The following PRX variants were observed in gnomAD, a reference collection of about 807,000 sequenced individuals.
The protein encoded by PRX is periaxin.
In PRX, 24 loss-of-function variants were observed where a neutral mutation model predicts 29.6. The observed-to-expected ratio is 0.81, with a 90% confidence interval of 0.59 to 1.14. PRX has a LOEUF of 1.14. Ranked by LOEUF, PRX falls within the 50% of genes most tolerant of loss-of-function variation. The pLI is 0.00. For synonymous variants in PRX, 772 were observed against 831.7 expected (o/e 0.93, Z 1.24); for missense variants, 1,838 against 1,926.4 (o/e 0.95, Z 0.86).
rs1295252797 is a variant in PRX at position 40,395,815 on chromosome 19, T to A, written c.2537A>T (p.His846Leu). The change falls in exon 7 of 7, where the codon CAT becomes CTT. Residue 846 changes from histidine to leucine, a missense_variant. Physicochemically the swap from His to Leu is moderately conservative, Grantham distance 99. This residue lies in a region of PRX where 1,143 missense variants were observed against 1,193.0 expected (regional missense o/e 0.96). Coordinates refer to ENST00000324001, the MANE Select transcript of PRX (RefSeq NM_181882.3). ...CLQPEVDGEA[H>L]VGVPSLTLPS... ...CAGAGTGAGAGAGGGGACACCCACA[T>A]GAGCCTCACCATCCACCTCTGGCTG... The A allele has an allele frequency of 6.2e-7, 1 of 1,614,170 alleles. No homozygotes were observed. The highest frequency in any genetic ancestry group is 1.3e-5 in the African/African-American group (1 of 75,056).
At chr19:40,402,647 T>A (rs2079503552) in intron 5 of PRX, among the ~76,000 whole-genome samples, 1 of 150,932 alleles carries the variant, frequency 6.6e-6, no homozygotes, top group Non-Finnish European at 1.5e-5. Flanking sequence ...TGTGGGCGCC[T>A]GTAGTCCCTC....
rs759440986 is a variant in PRX, at chr19:40,397,208, G to C, written c.1144C>G (p.Pro382Ala). The change falls in exon 7 of 7, where the codon CCT (proline) becomes GCT (alanine). Residue 382 changes from proline (P) to alanine (A), a missense_variant. Physicochemically the swap from Pro to Ala is conservative, Grantham distance 27. This residue lies in a region of PRX where 666 missense variants were observed against 665.0 expected (regional missense o/e 1.00). Coordinates refer to ENST00000324001, the MANE Select transcript of PRX (RefSeq NM_181882.3). ...CTGGGACCTTTCACCCTGGCCTCAGGGCTGACCTTGGCTACCTTGGCCTCA... is the reference window on the plus strand; with the variant it reads ...CTGGGACCTTTCACCCTGGCCTCAGCGCTGACCTTGGCTACCTTGGCCTCA... The part of the protein sequence containing the change: ...VAEAKVAKVS[P>A]EARVKGPRLR... The C allele has an allele frequency of 3.5e-5, 57 of 1,613,888 alleles. No homozygotes were observed. Among genetic ancestry groups the C allele is most frequent in the Non-Finnish European group, 4.7e-5 (56 of 1,180,036 alleles).
chr19:40,397,510 G>A lies in PRX; in HGVS notation c.842C>T (p.Pro281Leu). 1 of 1,549,256 alleles carries A rather than the reference G, an allele frequency of 6.5e-7. No individual in the cohort carries two copies. The highest frequency in any genetic ancestry group is 8.7e-7 in the Non-Finnish European group (1 of 1,148,934). The change falls in exon 7 of 7, where the codon CCT (proline) becomes CTT (leucine). Residue 281 changes from proline to leucine, a missense_variant. Around this residue, in one of 3 missense-constraint regions of PRX, gnomAD observed 666 missense variants for 665.0 expected, o/e 1.00. Transcript: ENST00000324001. Reference sequence around the variant, plus strand: ...TCCCACGGCTGGGGCCTCCACAGCAGGCGGAGCCGGGGCTCCGAGCCCAAG... The same window carrying A: ...TCCCACGGCTGGGGCCTCCACAGCAAGCGGAGCCGGGGCTCCGAGCCCAAG... The part of the protein sequence containing the change: ...PTLGLGAPAP[P>L]AVEAPAVGIQ...
chr19:40,399,089 T>A (rs2079470249), intron 5 of PRX, among the ~76,000 whole-genome samples: 1 of 152,060 alleles, frequency 6.6e-6, no homozygotes, highest in South Asian at 2.1e-4. Context: ...TGACTTTGCT[T>A]CTTTTACCGA....
Position 40,394,017 on chromosome 19 carries a change from T to G in PRX, c.4335A>C (p.Thr1445=), listed in dbSNP as rs757627373. ...VRLPSVGFSE[T]GAPGPARMEG... Reference sequence around the variant, plus strand: ...CCATCCTGGCCGGGCCTGGAGCCCCTGTCTCTGAAAACCCCACGCTGGGCA... The same window carrying G: ...CCATCCTGGCCGGGCCTGGAGCCCCGGTCTCTGAAAACCCCACGCTGGGCA... The change falls in exon 7 of 7, where the codon ACA becomes ACC. Residue 1445 remains threonine (T), a synonymous_variant. Coordinates refer to ENST00000324001, the MANE Select transcript of PRX (RefSeq NM_181882.3). This position sits in a 1 kb window ranked among gnomAD's most constrained non-coding sequence, Gnocchi z 5.8. 3 of 1,613,454 alleles carry G rather than the reference T, an allele frequency of 1.9e-6. No individual in the cohort carries two copies. The highest frequency in any genetic ancestry group is 2.7e-5 in the African/African-American group (2 of 74,916).
chr19:40,408,018 A>T lies in PRX; in HGVS notation c.-86T>A. 1 of 1,579,124 alleles carries T rather than the reference A, an allele frequency of 6.3e-7. No homozygotes were observed. The highest frequency in any genetic ancestry group is 8.6e-7 in the Non-Finnish European group (1 of 1,156,434). On this transcript the variant is annotated 5_prime_UTR_variant, in exon 4 of 7. Transcript: ENST00000324001. ...AACCAGCTTCAGTTCTGCATGGAGC[A>T]GCTGCCTCTGAGCCTGTGGGAGGAC... is the stretch of plus-strand genomic sequence containing the variant.
At position 40,395,761 on chromosome 19, in the gene PRX, G is replaced by T; in HGVS notation, c.2591C>A (p.Ala864Glu). The change falls in exon 7 of 7, where the codon GCA (alanine) becomes GAA (glutamate). Residue 864 changes from alanine (A) to glutamate (E), a missense_variant. By Grantham distance (107) the Ala-to-Glu change is moderately radical. This residue lies in a region of PRX where 1,143 missense variants were observed against 1,193.0 expected (regional missense o/e 0.96). Coordinates refer to ENST00000324001, the MANE Select transcript of PRX (RefSeq NM_181882.3). ...LPSVELDLPG[A>E]LGLQGQVPAA... ...TGGGACCTGCCCCTGCAGGCCAAGTGCTCCTGGCAGGTCTAGCTCCACTGA... is the reference window on the plus strand; with the variant it reads ...TGGGACCTGCCCCTGCAGGCCAAGTTCTCCTGGCAGGTCTAGCTCCACTGA... 1.9e-6 allele frequency: 3 copies of T among 1,614,084 alleles called. No individual in the cohort carries two copies. The highest frequency in any genetic ancestry group is 2.5e-6 in the Non-Finnish European group (3 of 1,180,026).
rs551866993 is a variant in PRX at position 40,398,863 on chromosome 19, C to T, written c.185-47G>A. 35 of 1,612,996 alleles carry T rather than the reference C, an allele frequency of 2.2e-5. No homozygotes were observed. The Admixed American group carries it at 4.8e-4, about 22-fold the overall frequency. On this transcript the variant is annotated intron_variant, in intron 5 of 6. Coordinates refer to ENST00000324001, the MANE Select transcript of PRX (RefSeq NM_181882.3). This position sits in a 1 kb window ranked among gnomAD's most constrained non-coding sequence, Gnocchi z 6.3. ...GCAGCACGTGGGCATCTCCCGGCTCCGCCCGGGCCTAGTTCTGCCCACTTG... is the reference window on the plus strand; with the variant it reads ...GCAGCACGTGGGCATCTCCCGGCTCTGCCCGGGCCTAGTTCTGCCCACTTG...
intron 5 of PRX, among the ~76,000 whole-genome samples, chr19:40,401,454 T>C (rs2145738225): frequency 6.6e-6 from 1 of 152,268 alleles, no homozygotes; most frequent in African/African-American, 2.4e-5. Flanking sequence ...CACCCAATGC[T>C]TGGCCATACT....
chr19:40,407,898 G>T lies in PRX; in HGVS notation c.27+8C>A, dbSNP rs769214562. The T allele has an allele frequency of 1.1e-4, 171 of 1,613,312 alleles. No individual in the cohort carries two copies. The highest frequency in any genetic ancestry group is 1.4e-4 in the Non-Finnish European group (160 of 1,180,046). ...CAAGTGCGCCTTGCAGGACACGTGG[G>T]CACTCACCTCGGCACTCCGGCTCCT... On this transcript the variant is annotated splice_region_variant and intron_variant, in intron 4 of 6. Coordinates refer to ENST00000324001, the MANE Select transcript of PRX (RefSeq NM_181882.3).
rs776057384 is a variant in PRX, at chr19:40,397,170, G to A, written c.1182C>T (p.Pro394=). The change falls in exon 7 of 7, where the codon CCC becomes CCT. Residue 394 remains proline (P), a synonymous_variant. Coordinates refer to ENST00000324001, the MANE Select transcript of PRX (RefSeq NM_181882.3). ...GCTCCAAGAGGGAAAGCCCAAAGGTGGGCATTCGAAGTCTGGGACCTTTCA... is the reference window on the plus strand; with the variant it reads ...GCTCCAAGAGGGAAAGCCCAAAGGTAGGCATTCGAAGTCTGGGACCTTTCA... ...ARVKGPRLRM[P]TFGLSLLEPR... is the part of the protein sequence containing the mutation. 9.3e-6 allele frequency: 15 copies of A among 1,614,128 alleles called. No individual in the cohort carries two copies. The highest frequency in any genetic ancestry group is 1.7e-5 in the Admixed American group (1 of 60,028).
chr19:40,395,143 C>T lies in PRX; in HGVS notation c.3209G>A (p.Arg1070Gln), dbSNP rs146222815. 393 of 1,614,048 alleles carry T rather than the reference C, an allele frequency of 2.4e-4. No homozygotes were observed. Among genetic ancestry groups the T allele is most frequent in the Non-Finnish European group, 2.9e-4 (338 of 1,180,042 alleles). ...KLKMPSFGLA[R>Q]GKEAEVQGDR... ...ACCTTGAACTTCTGCTTCCTTCCCT[C>T]GAGCCAGCCCAAAGGAAGGCATCTT... Residue 1070 changes from arginine (R) to glutamine (Q), a missense_variant, in exon 7 of 7, where the codon CGA becomes CAA. Arg to Gln is a conservative substitution (Grantham distance 43). Around this residue, in one of 3 missense-constraint regions of PRX, gnomAD observed 1,143 missense variants for 1,193.0 expected, o/e 0.96. Transcript: ENST00000324001.
At position 40,394,417 on chromosome 19, in the gene PRX, C is replaced by A. The variant is rs764644013; in HGVS notation, c.3935G>T (p.Gly1312Val). 17 of 1,601,472 alleles carry A rather than the reference C, an allele frequency of 1.1e-5. No individual in the cohort carries two copies. In the South Asian group the frequency reaches 1.6e-4, roughly 15 times the overall value. ...HKLKVRLPRF[G>V]LVRAKEGAEE... Reference sequence around the variant, plus strand: ...GGCCCCCTCCTTGGCCCGCACCAGGCCAAACCGGGGCAGCCGTACCTTGAG... The same window carrying A: ...GGCCCCCTCCTTGGCCCGCACCAGGACAAACCGGGGCAGCCGTACCTTGAG... Residue 1312 changes from glycine to valine, a missense_variant, in exon 7 of 7, where the codon GGC becomes GTC. Physicochemically the swap from Gly to Val is moderately radical, Grantham distance 109. Transcript: ENST00000324001. The surrounding 1 kb of genome is among the most constrained non-coding windows in gnomAD (Gnocchi z 5.8).
chr19:40,394,847 G>A lies in PRX; in HGVS notation c.3505C>T (p.Gln1169Ter), dbSNP rs767591489. ...GFGEAGTPGQ[Q>*]AQSTVPSAEG... The stretch of plus-strand genomic sequence containing the variant: ...GCTGAAGGGACTGTACTCTGAGCCT[G>A]CTGCCCTGGGGTACCTGCCTCCCCA... The change falls in exon 7 of 7, where the codon CAG (glutamine) becomes TAG (stop). Residue 1169 changes from glutamine (Q) to a stop codon, truncating the protein, a stop_gained. Coordinates refer to ENST00000324001, the MANE Select transcript of PRX (RefSeq NM_181882.3). LOFTEE classifies it high-confidence loss of function. This position sits in a 1 kb window ranked among gnomAD's most constrained non-coding sequence, Gnocchi z 5.8. The A allele has an allele frequency of 6.2e-7, 1 of 1,612,610 alleles. No individual in the cohort carries two copies. The highest frequency in any genetic ancestry group is 1.1e-5 in the South Asian group (1 of 91,082).
chr19:40,414,431 A>G (rs76141149), upstream of PRX, among the ~76,000 whole-genome samples: 4,407 of 152,224 alleles, frequency 0.029, 82 homozygotes, highest in Non-Finnish European at 0.04. Context: ...GCTATGCCCA[A>G]TTTATAGCTA....
Position 40,398,045 on chromosome 19 carries a change from G to A in PRX, c.382-75C>T. 6.5e-7 allele frequency: 1 copy of A among 1,529,052 alleles called. No homozygotes were observed. The highest frequency in any genetic ancestry group is 2.4e-5 in the East Asian group (1 of 42,034). The allele number at this position is 1,529,052 out of a possible 1,614,324, so 94.7% of individuals were successfully genotyped here. A position where few individuals can be genotyped will look rare whatever the true frequency, so the allele number is the denominator to read the frequency against. On this transcript the variant is annotated intron_variant, in intron 6 of 6. Coordinates refer to ENST00000324001, the MANE Select transcript of PRX (RefSeq NM_181882.3). The surrounding 1 kb of genome is among the most constrained non-coding windows in gnomAD (Gnocchi z 6.3). ...GAGTGGACAGGAAGAGCCCCACCTG[G>A]TATTGGACCAGGCGGGGGATGTGCT...
intron 1 of PRX, among the ~76,000 whole-genome samples, chr19:40,411,638 A>G (rs1039416760): frequency 1.3e-5 from 2 of 152,080 alleles, no homozygotes; most frequent in African/African-American, 4.8e-5. Flanking sequence ...ATTTAGCCCA[A>G]CTGTGCTCTT....
chr19:40,400,307 A>T (rs12977818), intron 5 of PRX, among the ~76,000 whole-genome samples: 1 of 141,698 alleles, frequency 7.1e-6, no homozygotes, highest in African/African-American at 2.6e-5. Flanking sequence ...TTAAGACAAG[A>T]TCTCGCCAGG....
Position 40,397,970 on chromosome 19 carries a change from T to C in PRX, c.382A>G (p.Asn128Asp), listed in dbSNP as rs748450613. ...TTCACAGGGGACAGACTCTGGATGT[T>C]CTGGGGAGAGAGGAGAGAGGCAGGA... ...KGPRAKVAKL[N>D]IQSLSPVKKK... is the part of the protein sequence containing the mutation. Residue 128 changes from asparagine (N) to aspartate (D), a missense_variant and splice_region_variant, in exon 7 of 7, where the codon AAC becomes GAC. Physicochemically the swap from Asn to Asp is conservative, Grantham distance 23. This residue lies in a region of PRX where 666 missense variants were observed against 665.0 expected (regional missense o/e 1.00). Coordinates refer to ENST00000324001, the MANE Select transcript of PRX (RefSeq NM_181882.3). 5.0e-6 allele frequency: 8 copies of C among 1,608,334 alleles called. No homozygotes were observed. The Admixed American group carries it at 1.4e-4, about 27-fold the overall frequency.
Sources: allele counts gnomAD v4.1 joint callset (sites outside exome capture counted in the v4.1 genomes callset), GRCh38; gene constraint gnomAD v4.1.1; regional missense constraint gnomAD v4.1.1; non-coding constraint Gnocchi (gnomAD v3.1); transcripts MANE v1.5; gene names NCBI Gene and HGNC (gene_info 2026-07-23, HGNC 2026-07-21).